TNIP3: variants seen among roughly 807,000 people sequenced by gnomAD.
TNIP3 encodes the protein TNFAIP3 interacting protein 3.
Under a neutral mutation model 54.1 loss-of-function variants are expected in TNIP3, and 34 were observed. That is an observed-to-expected ratio of 0.63 (90% CI 0.48 to 0.84). TNIP3 has a LOEUF of 0.84. Among genes scored for constraint, TNIP3 ranks in the 40% least tolerant of loss-of-function variants. TNIP3 has a pLI of 0.00. For missense variants in TNIP3, 366 were observed against 387.6 expected (o/e 0.94, Z 0.47); for synonymous variants, 134 against 136.8 (o/e 0.98, Z 0.14).
chr4:121,160,423 G>A (rs560733425), intron 2 of TNIP3, among the ~76,000 whole-genome samples: 1 of 151,956 alleles, frequency 6.6e-6, no homozygotes, highest in African/African-American at 2.4e-5. Flanking sequence ...AGGCTGCAGT[G>A]AGCTGAGATC....
At chr4:121,220,298 A>G (rs973791530), upstream of TNIP3, among the ~76,000 whole-genome samples, 2 of 152,232 alleles carry the variant, frequency 1.3e-5, no homozygotes, top group African/African-American at 4.8e-5. Flanking sequence ...CTGAAAATAC[A>G]TAGGTGAACA....
chr4:121,151,011 T>G (rs1729717055), intron 5 of TNIP3, among the ~76,000 whole-genome samples: 1 of 152,252 alleles, frequency 6.6e-6, no homozygotes. Context: ...CTTTAGTCAT[T>G]AGCTCATGAT....
chr4:121,141,899 A>C lies in TNIP3; in HGVS notation c.802T>G (p.Cys268Gly). 6.3e-7 allele frequency: 1 copy of C among 1,598,344 alleles called. No homozygotes were observed. Among genetic ancestry groups the C allele is most frequent in the Non-Finnish European group, 8.5e-7 (1 of 1,172,574 alleles). ...KQLKQMYCPPCNCGLVFHLQD... is the reference protein window; with the variant it reads ...KQLKQMYCPPGNCGLVFHLQD... ...AGGTGGAAAACCAAGCCGCAGTTAC[A>C]GGGTGGGCAATACATCTGAGGAGAA... Residue 268 changes from cysteine (C) to glycine (G), a missense_variant, in exon 9 of 11, where the codon TGT becomes GGT. Cys to Gly is a radical substitution (Grantham distance 159). Coordinates refer to ENST00000057513, the MANE Select transcript of TNIP3 (RefSeq NM_024873.6).
intron 2 of TNIP3, among the ~76,000 whole-genome samples, chr4:121,201,942 G>A (rs991300284): frequency 2.0e-5 from 3 of 152,050 alleles, no homozygotes; most frequent in Non-Finnish European, 4.4e-5. Context: ...GCCCATGCTC[G>A]TGGATGGGTA....
upstream of TNIP3, among the ~76,000 whole-genome samples, chr4:121,168,033 G>A (rs552343437): frequency 5.3e-5 from 8 of 152,022 alleles, no homozygotes; most frequent in South Asian, 1.5e-3. Context: ...CAAAAATCTT[G>A]GAGTCATCCT....
intron 2 of TNIP3, among the ~76,000 whole-genome samples, chr4:121,209,387 G>A (rs1726355967): frequency 6.6e-6 from 1 of 152,130 alleles, no homozygotes; most frequent in Admixed American, 6.5e-5. Flanking sequence ...CAGTCTTGTG[G>A]GACTGAGGCC....
At chr4:121,149,080 G>A (rs1018394475) in intron 6 of TNIP3, among the ~76,000 whole-genome samples, 2 of 152,108 alleles carry the variant, frequency 1.3e-5, no homozygotes, top group Non-Finnish European at 2.9e-5. Flanking sequence ...ATGCATGGTC[G>A]GCCCCTCAGC....
At chr4:121,151,692 C>T (rs978350898) in intron 5 of TNIP3, among the ~76,000 whole-genome samples, 7 of 151,688 alleles carry the variant, frequency 4.6e-5, no homozygotes, top group Non-Finnish European at 7.4e-5. Context: ...TTATCCTACA[C>T]CTGGGAATAG....
intron 2 of TNIP3, among the ~76,000 whole-genome samples, chr4:121,208,853 G>A (rs1726323322): frequency 6.6e-6 from 1 of 152,164 alleles, no homozygotes; most frequent in Non-Finnish European, 1.5e-5. Flanking sequence ...TGCTAATGAA[G>A]TCTGTCAGGG....
At chr4:121,132,818 G>A (rs1015284601) in intron 10 of TNIP3, among the ~76,000 whole-genome samples, 156 bp from the exon 11 acceptor site, 15 of 151,308 alleles carry the variant, frequency 9.9e-5, no homozygotes, top group Non-Finnish European at 1.3e-4. Flanking sequence ...GAGAAATCAA[G>A]AAGCGGGAGA....
At chr4:121,160,425 G>T (rs762153592) in intron 2 of TNIP3, among the ~76,000 whole-genome samples, 1 of 151,816 alleles carries the variant, frequency 6.6e-6, no homozygotes, top group Non-Finnish European at 1.5e-5. Context: ...GCTGCAGTGA[G>T]CTGAGATCGT....
At chr4:121,188,630 T>C (rs1410044830) in intron 2 of TNIP3, among the ~76,000 whole-genome samples, 2 of 152,236 alleles carry the variant, frequency 1.3e-5, no homozygotes, top group Non-Finnish European at 2.9e-5. Flanking sequence ...TGTAGAATCC[T>C]ATCTGGTAGA....
chr4:121,173,373 T>C (rs1306913076), intron 3 of TNIP3, among the ~76,000 whole-genome samples: 1 of 152,162 alleles, frequency 6.6e-6, no homozygotes, highest in Non-Finnish European at 1.5e-5. Flanking sequence ...ATTTCCAAAA[T>C]AGAAATTAGT....
rs1313584422 is a variant in TNIP3 at position 121,132,198 on chromosome 4, A to T, written c.*433T>A. ...ATGTTAAACGTTTACAACTGCAGAA[A>T]TTTTTACCCCAGGAAACACACACAC... On this transcript the variant is annotated 3_prime_UTR_variant, in exon 11 of 11. Coordinates refer to ENST00000057513, the MANE Select transcript of TNIP3 (RefSeq NM_024873.6). The T allele has an allele frequency of 6.4e-6, 1 of 156,066 alleles. No individual in the cohort carries two copies. Among genetic ancestry groups the T allele is most frequent in the Non-Finnish European group, 1.4e-5 (1 of 73,092 alleles). The allele number at this position is 156,066 out of a possible 1,614,324, so 9.7% of individuals were successfully genotyped here. A position where few individuals can be genotyped will look rare whatever the true frequency, so the allele number is the denominator to read the frequency against.
chr4:121,154,693 C>A lies in TNIP3; in HGVS notation c.364-14G>T. 6.3e-7 allele frequency: 1 copy of A among 1,589,114 alleles called. No homozygotes were observed. Among genetic ancestry groups the A allele is most frequent in the East Asian group, 2.2e-5 (1 of 44,688 alleles). On this transcript the variant is annotated splice_polypyrimidine_tract_variant and intron_variant, in intron 4 of 10. Coordinates refer to ENST00000057513, the MANE Select transcript of TNIP3 (RefSeq NM_024873.6). ...TTCCTTTTCCTTCTGAAGTTAAGAC[C>A]AAGAAAAGAAAATAAAAGTCAGTAC...
At chr4:121,149,505 G>A (rs892115356) in intron 6 of TNIP3, among the ~76,000 whole-genome samples, 1 of 152,180 alleles carries the variant, frequency 6.6e-6, no homozygotes, top group Non-Finnish European at 1.5e-5. Flanking sequence ...TGTGGCTCAC[G>A]CCTGTAATCC....
chr4:121,163,932 T>G, intron 1 of TNIP3, 128 bp downstream of exon 1: 1 of 1,083,746 alleles, frequency 9.2e-7, no homozygotes, highest in South Asian at 2.4e-5. Flanking sequence ...GTTAAAAATA[T>G]AGAGCAAATC....
At chr4:121,147,481 A>G (rs545382013) in intron 6 of TNIP3, among the ~76,000 whole-genome samples, 1 of 152,344 alleles carries the variant, frequency 6.6e-6, no homozygotes, top group East Asian at 1.9e-4. Context: ...AAACCCTTAC[A>G]TATGTGGAAA....
At chr4:121,227,394 T>C (rs756227751) in exon 1 of TNIP3, 11 of 1,535,182 alleles carry the variant, frequency 7.2e-6, no homozygotes, top group South Asian at 7.1e-5. Flanking sequence ...CCATGTTCTA[T>C]CCTGAAAGTC....
Sources: gnomAD v4.1 joint callset for allele counts (sites outside exome capture counted in the v4.1 genomes callset) on GRCh38, gnomAD v4.1.1 for gene constraint, MANE v1.5 for transcripts, NCBI Gene and HGNC (gene_info 2026-07-23, HGNC 2026-07-21) for gene names.